Variants in WWOX observed in about 807,000 individuals in gnomAD.
WWOX encodes WW domain containing oxidoreductase, also known as WW domain-containing oxidoreductase.
In WWOX, 69 loss-of-function variants were observed where a neutral mutation model predicts 46.2. That is an observed-to-expected ratio of 1.49 (90% CI 1.23 to 1.82). The LOEUF is 1.82. Among genes scored for constraint, WWOX ranks in the 40% most tolerant of loss-of-function variants. WWOX has a pLI of 0.00. For missense variants in WWOX, 919 were observed against 542.6 expected, an observed-to-expected ratio of 1.69 and a Z score of -6.89; for synonymous variants, 359 against 202.6, an observed-to-expected ratio of 1.77 and a Z score of -6.56.
At chr16:78,546,690 T>C (rs986556454) in intron 8 of WWOX, among the ~76,000 whole-genome samples, 1 of 152,140 alleles carries the variant, frequency 6.6e-6, no homozygotes, top group African/African-American at 2.4e-5. Flanking sequence ...GGAATCAGTG[T>C]GTTTAAGAAG....
At chr16:78,621,313 C>T (rs2046175042) in intron 8 of WWOX, among the ~76,000 whole-genome samples, 1 of 152,024 alleles carries the variant, frequency 6.6e-6, no homozygotes, top group Non-Finnish European at 1.5e-5. Flanking sequence ...TTTCATGCCC[C>T]CTTCTAACCC....
intron 4 of WWOX, among the ~76,000 whole-genome samples, chr16:78,161,092 A>G (rs1490877111): frequency 2.6e-5 from 4 of 152,100 alleles, no homozygotes; most frequent in Admixed American, 6.5e-5. Context: ...GTACAGCTAT[A>G]TCAGATTTCT....
At chr16:78,867,319 T>G (rs955052165) in intron 8 of WWOX, among the ~76,000 whole-genome samples, 2 of 152,156 alleles carry the variant, frequency 1.3e-5, no homozygotes, top group African/African-American at 4.8e-5. Context: ...CCCTTTCTAT[T>G]TTATGTACAT....
At chr16:78,765,243 C>T (rs1469159311) in intron 8 of WWOX, among the ~76,000 whole-genome samples, 2 of 152,160 alleles carry the variant, frequency 1.3e-5, no homozygotes, top group African/African-American at 2.4e-5. Flanking sequence ...GGCAGAAAGT[C>T]CAGGAAGTGT....
intron 8 of WWOX, among the ~76,000 whole-genome samples, chr16:78,588,263 G>A (rs1184014938): frequency 6.6e-6 from 1 of 152,208 alleles, no homozygotes; most frequent in Non-Finnish European, 1.5e-5. Context: ...CTTGCAGTTG[G>A]CAAACAGAAG....
intron 6 of WWOX, among the ~76,000 whole-genome samples, chr16:78,401,179 G>A (rs965483282): frequency 6.6e-6 from 1 of 152,100 alleles, no homozygotes; most frequent in African/African-American, 2.4e-5. Flanking sequence ...AAATATGTGT[G>A]TGCAGAAATA....
chr16:78,990,685 C>T (rs1279740053), intron 8 of WWOX, among the ~76,000 whole-genome samples: 1 of 151,456 alleles, frequency 6.6e-6, no homozygotes, highest in Non-Finnish European at 1.5e-5. Context: ...GAGGGAGAAG[C>T]ACATAGAGGA....
intron 8 of WWOX, among the ~76,000 whole-genome samples, chr16:79,068,202 A>G (rs2048477549): frequency 6.6e-6 from 1 of 152,194 alleles, no homozygotes; most frequent in Admixed American, 6.5e-5. Flanking sequence ...TAATCCTTAT[A>G]AAAATAGTAG....
chr16:79,200,156 C>T (rs977146612), intron 8 of WWOX, among the ~76,000 whole-genome samples: 1 of 152,172 alleles, frequency 6.6e-6, no homozygotes, highest in Non-Finnish European at 1.5e-5. Context: ...CTGGTCTGTA[C>T]TGTTCAAAAT....
chr16:78,766,654 A>C (rs892112245), intron 8 of WWOX, among the ~76,000 whole-genome samples: 3 of 152,232 alleles, frequency 2.0e-5, no homozygotes, highest in African/African-American at 4.8e-5. Context: ...AGTTTTTAAG[A>C]CAAGGAATTC....
In WWOX at chr16:79,080,430, C is replaced by G. The variant is rs576047577; in HGVS notation, c.1057-131178C>G. ...GAACCAAATTGCCTAACACTGAATC[C>G]CAAATCCAAATTCCTGGGAGATAGA... On this transcript the variant is annotated intron_variant, in intron 8 of 8. Transcript: ENST00000566780. Among the ~76,000 whole-genome samples, 7 of 152,114 alleles carry G rather than the reference C, an allele frequency of 4.6e-5. No homozygotes were observed. The South Asian group carries it at 1.5e-3, about 32-fold the overall frequency.
chr16:78,820,311 C>T (rs919517604), intron 8 of WWOX, among the ~76,000 whole-genome samples: 2 of 152,194 alleles, frequency 1.3e-5, no homozygotes, highest in Non-Finnish European at 2.9e-5. Flanking sequence ...GTTTTGGCTA[C>T]TGAAGACGTT....
At chr16:78,667,640 C>A (rs946417227) in intron 8 of WWOX, among the ~76,000 whole-genome samples, 5 of 139,220 alleles carry the variant, frequency 3.6e-5, no homozygotes, top group African/African-American at 1.3e-4. Flanking sequence ...CACTGCATCC[C>A]AGCCTGGGCG....
chr16:78,913,113 C>A (rs868412310), intron 8 of WWOX, among the ~76,000 whole-genome samples: 19 of 151,984 alleles, frequency 1.3e-4, no homozygotes, highest in African/African-American at 4.1e-4. Context: ...GACATCCTGC[C>A]CTACCTCCTG....
At chr16:79,182,582 A>G (rs2050934132) in intron 8 of WWOX, among the ~76,000 whole-genome samples, 1 of 152,112 alleles carries the variant, frequency 6.6e-6, no homozygotes, top group Non-Finnish European at 1.5e-5. Context: ...GTGCTTTTAA[A>G]GTAGAATATC....
intron 5 of WWOX, among the ~76,000 whole-genome samples, chr16:78,326,055 G>T (rs953403191): frequency 6.6e-6 from 1 of 152,098 alleles, no homozygotes; most frequent in Non-Finnish European, 1.5e-5. Flanking sequence ...TAAGCAGAAG[G>T]GGGAGGTAGG....
chr16:78,559,895 T>C (rs541901194), intron 8 of WWOX, among the ~76,000 whole-genome samples: 1 of 152,218 alleles, frequency 6.6e-6, no homozygotes, highest in Non-Finnish European at 1.5e-5. Context: ...AATTTATGAC[T>C]TGGCTTACAA....
chr16:78,425,291 C>T (rs576487161), intron 7 of WWOX, among the ~76,000 whole-genome samples: 25 of 152,118 alleles, frequency 1.6e-4, no homozygotes, highest in African/African-American at 5.3e-4. Context: ...CTTCAAGCTC[C>T]TCATTGATTT....
chr16:78,885,957 C>T (rs112848091), intron 8 of WWOX, among the ~76,000 whole-genome samples: 9,259 of 130,450 alleles, frequency 0.071, 991 homozygotes, highest in African/African-American at 0.24. Context: ...CAGAGTTTTG[C>T]TCTGTTGCCC....
Sources: gnomAD v4.1 joint callset for allele counts (sites outside exome capture counted in the v4.1 genomes callset) on GRCh38, gnomAD v4.1.1 for gene constraint, MANE v1.5 for transcripts, NCBI Gene and HGNC (gene_info 2026-07-23, HGNC 2026-07-21) for gene names.